Variants in KAT5 observed in about 807,000 individuals in gnomAD.
KAT5 encodes the protein lysine acetyltransferase 5.
In KAT5, 31 loss-of-function variants were observed where a neutral mutation model predicts 68.1. That is an observed-to-expected ratio of 0.46 (90% CI 0.34 to 0.61). KAT5 has a LOEUF of 0.61. Ranked by LOEUF, KAT5 falls within the 20% of genes least tolerant of loss-of-function variation. The pLI is 0.01. For synonymous variants in KAT5, 365 were observed against 292.6 expected (o/e 1.25, Z -2.52); for missense variants, 451 against 725.5 (o/e 0.62, Z 4.35).
At position 65,712,252 on chromosome 11, in the gene KAT5, A is replaced by G. The variant is rs201205470; in HGVS notation, c.-16A>G. On this transcript the variant is annotated 5_prime_UTR_variant, in exon 1 of 13. Coordinates refer to ENST00000341318, the MANE Select transcript of KAT5 (RefSeq NM_182710.3). The stretch of plus-strand genomic sequence containing the variant: ...GTCTCCCAGAGGGGCCGGAAGTGGC[A>G]GTGGAGGGAGGGAAGATGGCGGAGG... The G allele has an allele frequency of 2.1e-4, 295 of 1,404,842 alleles. No individual in the cohort carries two copies. In the African/African-American group the frequency reaches 3.7e-3, roughly 17 times the overall value. 87.0% of individuals were successfully genotyped at this position (1,404,842 alleles called of 1,614,324 possible).
intron 8 of KAT5, 54 bp downstream of exon 8, chr11:65,714,964 C>G (rs1448814506): frequency 1.3e-6 from 2 of 1,490,502 alleles, no homozygotes; most frequent in African/African-American, 2.8e-5. Flanking sequence ...ACAGCTTCTT[C>G]TTGCTCAGGT....
chr11:65,712,646 T>A (rs767152335), intron 1 of KAT5, 120 bp from the exon 2 acceptor site: 30 of 1,328,900 alleles, frequency 2.3e-5, no homozygotes, highest in Non-Finnish European at 3.1e-5. Flanking sequence ...TGAAGGAGGC[T>A]TAGGAGAGAC....
At chr11:65,716,603 C>T (rs1857204009) in intron 8 of KAT5, 64 bp from the exon 9 acceptor site, 2 of 1,537,088 alleles carry the variant, frequency 1.3e-6, no homozygotes, top group African/African-American at 1.4e-5. Context: ...CCTGGTTGAC[C>T]CTGAACCACT....
In KAT5 at chr11:65,712,980, G is replaced by A. The variant is rs1857073359; in HGVS notation, c.306G>A (p.Gln102=). The change falls in exon 3 of 13, where the codon CAG becomes CAA. Residue 102 remains glutamine, a synonymous_variant. Transcript: ENST00000341318. ...AGCGGCTGGACCTAAAGAAGATCCA[G>A]TTCCCCAAGAAAGAGGCCAAGACCC... ...THERLDLKKI[Q]FPKKEAKTPT... is the part of the protein sequence containing the mutation. The A allele has an allele frequency of 6.2e-7, 1 of 1,614,146 alleles. No individual in the cohort carries two copies. Among genetic ancestry groups the A allele is most frequent in the Middle Eastern group, 1.7e-4 (1 of 6,024 alleles).
chr11:65,716,723 G>A lies in KAT5; in HGVS notation c.1086G>A (p.Leu362=). Residue 362 remains leucine, a synonymous_variant, in exon 9 of 13, where the codon CTG becomes CTA. Transcript: ENST00000341318. Reference sequence around the variant, plus strand: ...AGTGTTTCCTTGACCATAAGACACTGTACTATGACACAGACCCTTTCCTCT... The same window carrying A: ...AGTGTTTCCTTGACCATAAGACACTATACTATGACACAGACCCTTTCCTCT... ...LAKCFLDHKT[L]YYDTDPFLFY... 2 of 1,613,894 alleles carry A rather than the reference G, an allele frequency of 1.2e-6. No homozygotes were observed. Among genetic ancestry groups the A allele is most frequent in the Non-Finnish European group, 1.7e-6 (2 of 1,179,768 alleles).
intron 10 of KAT5, chr11:65,717,326 T>C: frequency 2.5e-6 from 1 of 398,768 alleles, no homozygotes; most frequent in Non-Finnish European, 4.7e-6. Flanking sequence ...ATGATACGAG[T>C]ACTGGGGCAA....
At position 65,712,338 on chromosome 11, in the gene KAT5, GC is replaced by G; in HGVS notation, c.77del (p.Pro26GlnfsTer2). ...REPGEVGRAR[G>X]PPVADPGVAL... ...CCAGGGGAGGTGGGTAGAGCCCGAG[GC>G]CCCCCAGTAGCCGACCCTGGCGTCG... is the stretch of plus-strand genomic sequence containing the variant. On this transcript the variant is annotated frameshift_variant, in exon 1 of 13. Coordinates refer to ENST00000341318, the MANE Select transcript of KAT5 (RefSeq NM_182710.3). LOFTEE classifies it high-confidence loss of function. 2 of 1,521,476 alleles carry G rather than the reference GC, an allele frequency of 1.3e-6. No individual in the cohort carries two copies. The highest frequency in any genetic ancestry group is 1.7e-6 in the Non-Finnish European group (2 of 1,144,456). The allele number at this position is 1,521,476 out of a possible 1,614,324, so 94.2% of individuals were successfully genotyped here.
At chr11:65,717,330 G>A (rs1049216360) in intron 10 of KAT5, 2 of 389,786 alleles carry the variant, frequency 5.1e-6, no homozygotes, top group South Asian at 2.6e-5. Context: ...TACGAGTACT[G>A]GGGCAAGGAC....
At chr11:65,713,146 C>A (rs533178764) in intron 3 of KAT5, 88 bp downstream of exon 3, 1 of 1,532,632 alleles carries the variant, frequency 6.5e-7, no homozygotes. Context: ...GGGCAGGAGG[C>A]GGCTCCCTCT....
rs1857323083 is a variant in KAT5 at position 65,719,446 on chromosome 11, G to A, written c.*265G>A. On this transcript the variant is annotated 3_prime_UTR_variant, in exon 13 of 13. Coordinates refer to ENST00000341318, the MANE Select transcript of KAT5 (RefSeq NM_182710.3). Reference sequence around the variant, plus strand: ...AGGGAGCCAGGCAGCTGTGTACAGTGAGAAGGGATCCGGATGGGGGAGCTC... The same window carrying A: ...AGGGAGCCAGGCAGCTGTGTACAGTAAGAAGGGATCCGGATGGGGGAGCTC... The A allele has an allele frequency of 1.7e-6, 1 of 605,212 alleles. No individual in the cohort carries two copies. Among genetic ancestry groups the A allele is most frequent in the African/African-American group, 1.9e-5 (1 of 53,952 alleles). The allele number at this position is 605,212 out of a possible 1,614,324, so 37.5% of individuals were successfully genotyped here.
At chr11:65,713,155 C>A in intron 3 of KAT5, 97 bp downstream of exon 3, 1 of 1,485,884 alleles carries the variant, frequency 6.7e-7, no homozygotes, top group Non-Finnish European at 9.2e-7. Context: ...GCGGCTCCCT[C>A]TCACCCTGAC....
chr11:65,713,571 C>T (rs771496737), intron 4 of KAT5, 22 bp from the exon 5 acceptor site: 2 of 1,614,058 alleles, frequency 1.2e-6, no homozygotes, highest in East Asian at 2.2e-5. Context: ...TCTGACCCAC[C>T]TTTGTTGGTT....
chr11:65,716,646 G>A (rs1204498172), intron 8 of KAT5, 21 bp from the exon 9 acceptor site: 2 of 1,611,140 alleles, frequency 1.2e-6, no homozygotes, highest in East Asian at 4.5e-5. Context: ...CCAGAGTGGT[G>A]ACAAGCCTTT....
At chr11:65,713,950 T>G (rs1446376885) in intron 6 of KAT5, 102 bp downstream of exon 6, 2 of 1,061,938 alleles carry the variant, frequency 1.9e-6, no homozygotes, top group Non-Finnish European at 2.8e-6. Context: ...GAAGGGGTGG[T>G]GGGCAGAGCT....
In KAT5 at chr11:65,714,686, C is replaced by T. The variant is rs1857137999; in HGVS notation, c.882C>T (p.Tyr294=). The T allele has an allele frequency of 6.2e-7, 1 of 1,614,232 alleles. No individual in the cohort carries two copies. Among genetic ancestry groups the T allele is most frequent in the East Asian group, 2.2e-5 (1 of 44,882 alleles). ...PQELTTLPVL[Y]LCEFCLKYGR... ...AACTCACCACATTGCCTGTCCTCTA[C>T]CTGTGCGAGTTCTGCCTCAAGTACG... is the stretch of plus-strand genomic sequence containing the variant. Residue 294 remains tyrosine, a synonymous_variant, in exon 7 of 13, where the codon TAC becomes TAT. Coordinates refer to ENST00000341318, the MANE Select transcript of KAT5 (RefSeq NM_182710.3).
intron 4 of KAT5, 40 bp from the exon 5 acceptor site, chr11:65,713,553 C>T (rs377686135): frequency 6.8e-6 from 11 of 1,614,174 alleles, no homozygotes; most frequent in Non-Finnish European, 8.5e-6. Flanking sequence ...GTCCCACCTT[C>T]TCTACCTTCT....
chr11:65,713,795 G>C lies in KAT5; in HGVS notation c.637G>C (p.Val213Leu), dbSNP rs762353780. ...GCAGAATGGAGCCGCCCGTAGGGCAGTGGCAGCCCAGCCAGGACGGAAGCG... is the reference window on the plus strand; with the variant it reads ...GCAGAATGGAGCCGCCCGTAGGGCACTGGCAGCCCAGCCAGGACGGAAGCG... ...FPQNGAARRAVAAQPGRKRKS... is the reference protein window; with the variant it reads ...FPQNGAARRALAAQPGRKRKS... The change falls in exon 6 of 13, where the codon GTG becomes CTG. Residue 213 changes from valine (V) to leucine (L), a missense_variant. Val to Leu is a conservative substitution (Grantham distance 32, BLOSUM62 1). Transcript: ENST00000341318. 6.2e-7 allele frequency: 1 copy of C among 1,610,106 alleles called. No individual in the cohort carries two copies. Among genetic ancestry groups the C allele is most frequent in the East Asian group, 2.2e-5 (1 of 44,770 alleles).
intron 10 of KAT5, 177 bp downstream of exon 10, chr11:65,717,159 C>T (rs1259214943): frequency 1.6e-6 from 1 of 616,610 alleles, no homozygotes; most frequent in Non-Finnish European, 2.9e-6. Flanking sequence ...GACTGCCCTG[C>T]TTATCTGGGG....
At position 65,719,376 on chromosome 11, in the gene KAT5, G is replaced by C. The variant is rs1420384397; in HGVS notation, c.*195G>C. 1.3e-5 allele frequency: 9 copies of C among 683,488 alleles called. No individual in the cohort carries two copies. 42.3% of individuals were successfully genotyped at this position (683,488 alleles called of 1,614,324 possible). On this transcript the variant is annotated 3_prime_UTR_variant, in exon 13 of 13. Coordinates refer to ENST00000341318, the MANE Select transcript of KAT5 (RefSeq NM_182710.3). ...AGCTCCGGGCTCAGACCAACTCCAA[G>C]GTCAGCTGGCCACAGGCCCAGGCCT...
Sources: gnomAD v4.1 joint callset for allele counts on GRCh38, gnomAD v4.1.1 for gene constraint, MANE v1.5 for transcripts, NCBI Gene and HGNC (gene_info 2026-07-23, HGNC 2026-07-21) for gene names.